ALOX5AP: variants seen among roughly 807,000 people sequenced by gnomAD.
ALOX5AP encodes the protein arachidonate 5-lipoxygenase-activating protein.
In ALOX5AP, 9 loss-of-function variants were observed where a neutral mutation model predicts 18.5. The observed-to-expected ratio is 0.49, with a 90% confidence interval of 0.29 to 0.85. The LOEUF (loss-of-function observed/expected upper bound fraction) is 0.85, where lower values mean the gene tolerates loss of function less well. Among genes scored for constraint, ALOX5AP ranks in the 40% least tolerant of loss-of-function variants. The pLI, the probability that ALOX5AP is intolerant of heterozygous loss-of-function variation, is 0.08. For missense variants in ALOX5AP, 172 were observed against 202.5 expected, an observed-to-expected ratio of 0.85 and a Z score of 0.91; for synonymous variants, 81 against 78.6, an observed-to-expected ratio of 1.03 and a Z score of -0.16.
At chr13:30,717,289 T>A (rs1951557669) in intron 1 of ALOX5AP, among the ~76,000 whole-genome samples, 1 of 152,264 alleles carries the variant, frequency 6.6e-6, no homozygotes, top group South Asian at 2.1e-4. Context: ...GAGTTTTTCC[T>A]CTTCACTTAC....
rs141337003 is a variant in ALOX5AP, at chr13:30,737,050, T to C, written c.70+1375T>C. Among the ~76,000 whole-genome samples, 75 of 152,286 alleles carry C rather than the reference T, an allele frequency of 4.9e-4. 1 individual carries two copies. In the South Asian group the frequency reaches 0.015, roughly 31 times the overall value. ...GCAATGCCTGCAGTCTCTGCAAAGG[T>C]AGCTGTATGGGTGGGCAGGTGGCTA... On this transcript the variant is annotated intron_variant, in intron 1 of 4. Transcript: ENST00000380490.
rs777318426 is a variant in ALOX5AP at position 30,755,983 on chromosome 13, G to A, written c.281G>A (p.Arg94Lys). The change falls in exon 4 of 5, where the codon AGG (arginine) becomes AAG (lysine). Residue 94 changes from arginine (R) to lysine (K), a missense_variant. By Grantham distance (26) the Arg-to-Lys change is conservative. Coordinates refer to ENST00000380490, the MANE Select transcript of ALOX5AP (RefSeq NM_001629.4). ...GCTGGACTGATGTACTTGTTTGTGA[G>A]GCAAAAGTACTTTGTCGGTTACCTA... ...AFAGLMYLFVRQKYFVGYLGE... is the reference protein window; with the variant it reads ...AFAGLMYLFVKQKYFVGYLGE... 3.7e-6 allele frequency: 6 copies of A among 1,614,164 alleles called. No homozygotes were observed. Among genetic ancestry groups the A allele is most frequent in the Non-Finnish European group, 4.2e-6 (5 of 1,180,008 alleles).
rs752539046 is a variant in ALOX5AP at position 30,763,902 on chromosome 13, A to G, written c.324-42A>G. ...TTTTTGTGTGTGTGAAATTGGTGTC[A>G]TTCGCACTGCATCTACAGTTTTCTT... is the stretch of plus-strand genomic sequence containing the variant. On this transcript the variant is annotated intron_variant, in intron 4 of 4. Transcript: ENST00000380490. The G allele has an allele frequency of 1.9e-6, 3 of 1,588,500 alleles. No individual in the cohort carries two copies. In the South Asian group the frequency reaches 3.4e-5, roughly 18 times the overall value.
Position 30,735,566 on chromosome 13 carries a change from TG to T in ALOX5AP, c.-38del, listed in dbSNP as rs759403271. ...TCCTGTACAGGGCAGGTTGTGCAGCTGGAGGCAGAGCAGTCCTCTCTGGGGA... is the reference window on the plus strand; with the variant it reads ...TCCTGTACAGGGCAGGTTGTGCAGCTGAGGCAGAGCAGTCCTCTCTGGGGA... On this transcript the variant is annotated 5_prime_UTR_variant, in exon 1 of 5. Coordinates refer to ENST00000380490, the MANE Select transcript of ALOX5AP (RefSeq NM_001629.4). 6.2e-7 allele frequency: 1 copy of T among 1,613,206 alleles called. No homozygotes were observed. The highest frequency in any genetic ancestry group is 8.5e-7 in the Non-Finnish European group (1 of 1,179,672).
chr13:30,758,138 A>AG (rs1951911273), intron 4 of ALOX5AP, among the ~76,000 whole-genome samples: 2 of 152,214 alleles, frequency 1.3e-5, no homozygotes, highest in Admixed American at 1.3e-4. Context: ...CATAAGTAGA[A>AG]GTAATAGATA....
At chr13:30,715,620 C>A (rs1020351607) in intron 1 of ALOX5AP, among the ~76,000 whole-genome samples, 3 of 152,190 alleles carry the variant, frequency 2.0e-5, no homozygotes, top group Admixed American at 1.3e-4. Flanking sequence ...CAGGAAATGG[C>A]CCCAGCTGCC....
At chr13:30,749,323 G>A (rs17245526) in intron 2 of ALOX5AP, among the ~76,000 whole-genome samples, 28 of 152,136 alleles carry the variant, frequency 1.8e-4, no homozygotes, top group East Asian at 1.7e-3. Context: ...CCAAAGACCC[G>A]AAACATGAGA....
chr13:30,724,367 T>C (rs1233759892), intron 1 of ALOX5AP, among the ~76,000 whole-genome samples: 2 of 152,208 alleles, frequency 1.3e-5, no homozygotes, highest in African/African-American at 4.8e-5. Flanking sequence ...TTTCCAGCTT[T>C]GAACTATTTT....
At position 30,744,748 on chromosome 13, in the gene ALOX5AP, A is replaced by C. The variant is rs556651730; in HGVS notation, c.170+589A>C. ...GAAAACACCTGAGCGGCTCCTAAAG[A>C]TGGGTGCAATCTATTCGGGATGCAA... On this transcript the variant is annotated intron_variant, in intron 2 of 4. Transcript: ENST00000380490. Among the ~76,000 whole-genome samples, 40 of 152,336 alleles carry C rather than the reference A, an allele frequency of 2.6e-4. No homozygotes were observed. In the South Asian group the frequency reaches 8.3e-3, roughly 32 times the overall value.
In ALOX5AP at chr13:30,741,103, C is replaced by CT. The variant is rs59980433; in HGVS notation, c.71-2922dup. 1.6e-3 allele frequency among the ~76,000 whole-genome samples: 103 copies of CT among 64,008 alleles called. 19 individuals carry two copies. Among genetic ancestry groups the CT allele is most frequent in the Admixed American group, 2.5e-3 (11 of 4,382 alleles). The allele number at this position is 64,008 out of a possible 152,430, so 42.0% of individuals were successfully genotyped here. A position where few individuals can be genotyped will look rare whatever the true frequency, so the allele number is the denominator to read the frequency against. ...TTAACCTACACACATCCTCCATATC[C>CT]TTTTTTTTTTTTTTTTTTTTTTTTT... is the stretch of plus-strand genomic sequence containing the variant. On this transcript the variant is annotated intron_variant, in intron 1 of 4. Transcript: ENST00000380490.
intron 2 of ALOX5AP, among the ~76,000 whole-genome samples, chr13:30,747,163 A>G (rs1459264116): frequency 6.6e-6 from 1 of 152,236 alleles, no homozygotes; most frequent in Non-Finnish European, 1.5e-5. Flanking sequence ...GTTCACGTGT[A>G]TATTTTAATT....
At chr13:30,745,843 C>A (rs1055412535) in intron 2 of ALOX5AP, among the ~76,000 whole-genome samples, 1 of 152,236 alleles carries the variant, frequency 6.6e-6, no homozygotes, top group African/African-American at 2.4e-5. Flanking sequence ...CCAAAGAAAG[C>A]ATTCCTACTA....
At chr13:30,732,542 C>T (rs1951689763), upstream of ALOX5AP, among the ~76,000 whole-genome samples, 1 of 152,190 alleles carries the variant, frequency 6.6e-6, no homozygotes, top group Non-Finnish European at 1.5e-5. Context: ...CCCTCTGCCA[C>T]ATGATAATTG....
chr13:30,748,882 G>A (rs1951830032), intron 2 of ALOX5AP, among the ~76,000 whole-genome samples: 1 of 152,236 alleles, frequency 6.6e-6, no homozygotes, highest in Non-Finnish European at 1.5e-5. Flanking sequence ...CCCAGACCAT[G>A]TGAACTTCAA....
intron 3 of ALOX5AP, among the ~76,000 whole-genome samples, chr13:30,754,928 A>G (rs914532574): frequency 1.7e-4 from 26 of 152,240 alleles, no homozygotes; most frequent in African/African-American, 5.8e-4. Context: ...CGCCAGGAGC[A>G]CTGCGGCAGG....
chr13:30,752,260 C>A, intron 3 of ALOX5AP, 138 bp downstream of exon 3: 1 of 803,492 alleles, frequency 1.2e-6, no homozygotes, highest in African/African-American at 1.7e-5. Context: ...TGAGAGCCCT[C>A]GGGAGGCCGT....
intron 1 of ALOX5AP, among the ~76,000 whole-genome samples, chr13:30,715,436 C>T (rs1213095302): frequency 1.3e-5 from 2 of 152,140 alleles, no homozygotes; most frequent in East Asian, 3.8e-4. Flanking sequence ...TGGTGAGTGC[C>T]TTCTGGGGCC....
intron 4 of ALOX5AP, among the ~76,000 whole-genome samples, chr13:30,762,155 G>C (rs529356306): frequency 5.3e-5 from 8 of 152,302 alleles, no homozygotes; most frequent in Admixed American, 5.2e-4. Flanking sequence ...GATTCATTAG[G>C]TTCCAGAGGG....
intron 1 of ALOX5AP, among the ~76,000 whole-genome samples, chr13:30,722,581 A>C (rs1951602591): frequency 6.6e-6 from 1 of 152,220 alleles, no homozygotes; most frequent in African/African-American, 2.4e-5. Flanking sequence ...TATATATAAC[A>C]GTCCTCCTGC....
Sources: allele counts gnomAD v4.1 joint callset (sites outside exome capture counted in the v4.1 genomes callset), GRCh38; gene constraint gnomAD v4.1.1; transcripts MANE v1.5; gene names NCBI Gene and HGNC (gene_info 2026-07-23, HGNC 2026-07-21).